MX2: variants seen among roughly 807,000 people sequenced by gnomAD.
The protein encoded by MX2 is MX dynamin like GTPase 2.
Under a neutral mutation model 74.0 loss-of-function variants are expected in MX2, and 51 were observed. The observed-to-expected ratio is 0.69, with a 90% confidence interval of 0.55 to 0.87. The LOEUF is 0.87. Ranked by LOEUF, MX2 falls within the 40% of genes least tolerant of loss-of-function variation. The probability of loss-of-function intolerance (pLI) is 0.00; values close to 1 mark genes in which losing one functional copy is unlikely to be tolerated. For synonymous variants in MX2, 369 were observed against 339.3 expected (o/e 1.09, Z -0.96); for missense variants, 832 against 908.7 (o/e 0.92, Z 1.09).
chr21:41,394,390 C>G (rs2089704567), intron 6 of MX2, among the ~76,000 whole-genome samples: 1 of 152,168 alleles, frequency 6.6e-6, no homozygotes, highest in Non-Finnish European at 1.5e-5. Context: ...TGACTCCTCC[C>G]TTCCTTCAGA....
intron 7 of MX2, 49 bp downstream of exon 7, chr21:41,395,834 C>T: frequency 1.9e-6 from 3 of 1,591,500 alleles, no homozygotes; most frequent in Non-Finnish European, 2.6e-6. Context: ...GAAAGCCAGC[C>T]CATCTGCAAG....
At chr21:41,390,788 G>A (rs1474270140) in intron 6 of MX2, 85 bp downstream of exon 6, 17 of 1,444,580 alleles carry the variant, frequency 1.2e-5, no homozygotes, top group South Asian at 3.5e-5. Flanking sequence ...GGCGGATCAC[G>A]AGGTCAGGAG....
chr21:41,384,463 G>A (rs73228017), intron 5 of MX2, among the ~76,000 whole-genome samples: 2 of 152,196 alleles, frequency 1.3e-5, no homozygotes, highest in Non-Finnish European at 2.9e-5. Context: ...GGAAATAAGT[G>A]TGCGGTCTCT....
chr21:41,403,303 A>C lies in MX2; in HGVS notation c.1610A>C (p.Lys537Thr), dbSNP rs2089840156. 6.2e-7 allele frequency: 1 copy of C among 1,613,864 alleles called. No individual in the cohort carries two copies. The highest frequency in any genetic ancestry group is 8.5e-7 in the Non-Finnish European group (1 of 1,179,966). The change falls in exon 12 of 14, where the codon AAA becomes ACA. Residue 537 changes from lysine to threonine, a missense_variant. Lys to Thr is a moderately conservative substitution (Grantham distance 78). Transcript: ENST00000330714. The part of the protein sequence containing the change: ...IQQAFINVAK[K>T]HFGEFFNLNQ... ...CAAGCTTTCATTAACGTGGCCAAAA[A>C]ACATTTTGGCGAATTTTTCAACCTT... is the stretch of plus-strand genomic sequence containing the variant.
intron 5 of MX2, chr21:41,390,242 C>T: frequency 6.3e-6 from 2 of 316,554 alleles, no homozygotes; most frequent in Non-Finnish European, 1.3e-5. Flanking sequence ...ACAAGTCACT[C>T]TAATAGAAGG....
Position 41,380,194 on chromosome 21 carries a change from C to T in MX2, c.577+43C>T, listed in dbSNP as rs746944428. The T allele has an allele frequency of 6.2e-7, 1 of 1,611,052 alleles. No individual in the cohort carries two copies. Among genetic ancestry groups the T allele is most frequent in the South Asian group, 1.1e-5 (1 of 90,804 alleles). ...TGAGGTTCGGATCTGGCAGCCGCTC[C>T]TCTCACTTCCTCGGTTCCTTCTCCT... On this transcript the variant is annotated intron_variant, in intron 4 of 13. Coordinates refer to ENST00000330714, the MANE Select transcript of MX2 (RefSeq NM_002463.2). The surrounding 1 kb of genome is among the most constrained non-coding windows in gnomAD (Gnocchi z 4.3).
intron 7 of MX2, among the ~76,000 whole-genome samples, chr21:41,396,067 T>C (rs1000050224): frequency 5.9e-5 from 9 of 152,242 alleles, no homozygotes. Context: ...TTTGAGTCCT[T>C]ATATTAAGAG....
At chr21:41,403,485 T>C in intron 12 of MX2, 142 bp downstream of exon 12, 1 of 777,690 alleles carries the variant, frequency 1.3e-6, no homozygotes, top group Non-Finnish European at 2.3e-6. Flanking sequence ...CTGGCGGGGC[T>C]GGTGGAGCTG....
Position 41,376,934 on chromosome 21 carries a change from T to G in MX2, c.28T>G (p.Tyr10Asp). The change falls in exon 2 of 14, where the codon TAC becomes GAC. Residue 10 changes from tyrosine to aspartate, a missense_variant. Transcript: ENST00000330714. ...GTCTAAGGCCCACAAGCCTTGGCCC[T>G]ACCGGAGGAGAAGTCAATTTTCTTC... MSKAHKPWP[Y>D]RRRSQFSSRK... 1 of 1,613,994 alleles carries G rather than the reference T, an allele frequency of 6.2e-7. No homozygotes were observed. The highest frequency in any genetic ancestry group is 8.5e-7 in the Non-Finnish European group (1 of 1,180,030).
At chr21:41,390,427 G>A in intron 5 of MX2, 138 bp from the exon 6 acceptor site, 2 of 1,286,294 alleles carry the variant, frequency 1.6e-6, no homozygotes, top group Non-Finnish European at 2.2e-6. Context: ...CCCAGGACGG[G>A]GCTCGGCCTA....
At position 41,376,855 on chromosome 21, in the gene MX2, A is replaced by C; in HGVS notation, c.-52A>C. On this transcript the variant is annotated 5_prime_UTR_variant, in exon 2 of 14. Coordinates refer to ENST00000330714, the MANE Select transcript of MX2 (RefSeq NM_002463.2). ...TTGCAGAGCTTGTCAGGAAGATCGG[A>C]GGTGCCAAGTAGCAGAGAAAGCATC... The C allele has an allele frequency of 6.3e-7, 1 of 1,599,546 alleles. No individual in the cohort carries two copies. Among genetic ancestry groups the C allele is most frequent in the Non-Finnish European group, 8.5e-7 (1 of 1,171,740 alleles).
Position 41,398,816 on chromosome 21 carries a change from G to A in MX2, c.1150-81G>A, listed in dbSNP as rs1015855099. ...TCCAGATCTTCCTGGATGCTTTAAA[G>A]GGCTCCTACTCATATACCAAAGAAA... On this transcript the variant is annotated intron_variant, in intron 8 of 13. Transcript: ENST00000330714. The A allele has an allele frequency of 6.4e-5, 98 of 1,538,894 alleles. 1 individual carries two copies. The African/African-American group carries it at 1.2e-3, about 19-fold the overall frequency.
intron 3 of MX2, among the ~76,000 whole-genome samples, 174 bp downstream of exon 3, chr21:41,378,155 G>GCTGGGAGACAGGCCT (rs1187915314): frequency 1.4e-5 from 2 of 143,502 alleles, no homozygotes; most frequent in African/African-American, 2.8e-5. Context: ...GAGACAGGCC[G>GCTGGGAGACAGGCCT]CTGGGAGACA....
In MX2 at chr21:41,377,851, C is replaced by A. The variant is rs754668921; in HGVS notation, c.312C>A (p.Ile104=). ...EQKVRPCIDL[I]DSLRALGVEQ... ...AGGTGCGCCCCTGCATTGACCTCAT[C>A]GACTCCCTGCGGGCTCTGGGTGTGG... The change falls in exon 3 of 14, where the codon ATC becomes ATA. Residue 104 remains isoleucine (I), a synonymous_variant. Coordinates refer to ENST00000330714, the MANE Select transcript of MX2 (RefSeq NM_002463.2). The A allele has an allele frequency of 2.5e-6, 4 of 1,614,222 alleles. No individual in the cohort carries two copies. The Admixed American group carries it at 6.7e-5, about 27-fold the overall frequency.
chr21:41,391,347 C>T (rs530611731), intron 6 of MX2, among the ~76,000 whole-genome samples: 4 of 151,594 alleles, frequency 2.6e-5, no homozygotes, highest in African/African-American at 9.7e-5. Context: ...GTCCTCTCAT[C>T]GCCATAAACT....
Position 41,402,983 on chromosome 21 carries a change from C to T in MX2, c.1574-284C>T, listed in dbSNP as rs1248752692. ...CGGACACGGACTGGAACTGGTCCAG[C>T]CTGGGAGTTGGGGACCCCTGATGTA... On this transcript the variant is annotated intron_variant, in intron 11 of 13. Coordinates refer to ENST00000330714, the MANE Select transcript of MX2 (RefSeq NM_002463.2). This position sits in a 1 kb window ranked among gnomAD's most constrained non-coding sequence, Gnocchi z 4.5. 3 of 372,516 alleles carry T rather than the reference C, an allele frequency of 8.1e-6. No homozygotes were observed. The highest frequency in any genetic ancestry group is 4.1e-5 in the African/African-American group (2 of 48,284). The allele number at this position is 372,516 out of a possible 1,614,324, so 23.1% of individuals were successfully genotyped here.
intron 1 of MX2, among the ~76,000 whole-genome samples, chr21:41,370,801 G>A (rs2089316011): frequency 6.6e-6 from 1 of 152,238 alleles, no homozygotes; most frequent in African/African-American, 2.4e-5. Flanking sequence ...GGCAGCCTAT[G>A]TGTGTCTGGG....
At position 41,408,921 on chromosome 21, in the gene MX2, C is replaced by A. The variant is rs1206189519; in HGVS notation, c.*688C>A. ...AGTCTTGAAGAGGAATTTAATAAAG[C>A]AAAGAAACTTTTTAAAAACGTAGCC... On this transcript the variant is annotated 3_prime_UTR_variant, in exon 14 of 14. Transcript: ENST00000330714. 1.3e-5 allele frequency: 2 copies of A among 152,202 alleles called. No homozygotes were observed. The highest frequency in any genetic ancestry group is 2.9e-5 in the Non-Finnish European group (2 of 68,056). 9.4% of individuals were successfully genotyped at this position (152,202 alleles called of 1,614,324 possible).
intron 11 of MX2, 88 bp from the exon 12 acceptor site, chr21:41,403,179 A>G (rs985121923): frequency 7.4e-6 from 8 of 1,082,952 alleles, no homozygotes; most frequent in African/African-American, 3.1e-5. Flanking sequence ...ATCATCAGTC[A>G]TCCTCCCTGT....
Sources: gnomAD v4.1 joint callset for allele counts (sites outside exome capture counted in the v4.1 genomes callset) on GRCh38, gnomAD v4.1.1 for gene constraint, Gnocchi (gnomAD v3.1) non-coding constraint, MANE v1.5 for transcripts, NCBI Gene and HGNC (gene_info 2026-07-23, HGNC 2026-07-21) for gene names.